Variants in C5AR2 observed in about 807,000 individuals in gnomAD.
The protein encoded by C5AR2 is C5a anaphylatoxin chemotactic receptor 2.
For missense variants in C5AR2, 458 were observed against 467.5 expected, an observed-to-expected ratio of 0.98 and a Z score of 0.19; for synonymous variants, 224 against 216.5, an observed-to-expected ratio of 1.03 and a Z score of -0.30.
intron 1 of C5AR2, chr19:47,337,032 C>A (rs2059360824): frequency 8.4e-6 from 1 of 119,216 alleles, no homozygotes; most frequent in Non-Finnish European, 1.6e-5. Context: ...GCCTCAGGGC[C>A]AGGTCACTCT....
In C5AR2 at chr19:47,343,063, G is replaced by T. The variant is rs1969068940; in HGVS notation, c.*1250G>T. ...GGTGAGATTAAGTAAAGGATCTTGA[G>T]AAGGGGTGGTTATCCTGGATTGTCT... On this transcript the variant is annotated 3_prime_UTR_variant, in exon 2 of 2. Coordinates refer to ENST00000595464, the MANE Select transcript of C5AR2 (RefSeq NM_001271749.2). The T allele has an allele frequency of 6.6e-6, 1 of 152,192 alleles. No homozygotes were observed. The highest frequency in any genetic ancestry group is 2.4e-5 in the African/African-American group (1 of 41,434). The allele number at this position is 152,192 out of a possible 1,614,324, so 9.4% of individuals were successfully genotyped here. A position where few individuals can be genotyped will look rare whatever the true frequency, so the allele number is the denominator to read the frequency against.
intron 1 of C5AR2, among the ~76,000 whole-genome samples, chr19:47,335,311 T>C (rs1274077544): frequency 6.6e-6 from 1 of 151,986 alleles, no homozygotes; most frequent in Admixed American, 6.6e-5. Context: ...TTGATATCTG[T>C]ACAGATAGAC....
At position 47,336,683 on chromosome 19, in the gene C5AR2, T is replaced by G. The variant is rs137936508; in HGVS notation, c.-15-4102T>G. 5.6e-3 allele frequency among the ~76,000 whole-genome samples: 853 copies of G among 151,528 alleles called. 9 individuals are homozygous for G. Among genetic ancestry groups the G allele is most frequent in the African/African-American group, 0.02 (826 of 41,268 alleles). ...CACTATGCCTGGCTAATTTTTAAATTTTTTGTAGAGACAGAGGGTCTCACT... is the reference window on the plus strand; with the variant it reads ...CACTATGCCTGGCTAATTTTTAAATGTTTTGTAGAGACAGAGGGTCTCACT... On this transcript the variant is annotated intron_variant, in intron 1 of 1. Transcript: ENST00000595464.
chr19:47,340,109 C>G (rs557243820), intron 1 of C5AR2, among the ~76,000 whole-genome samples: 10 of 151,998 alleles, frequency 6.6e-5, no homozygotes, highest in African/African-American at 2.2e-4. Context: ...CACGCATGAC[C>G]ATGCCTGGCT....
chr19:47,338,287 A>G (rs1235849199), intron 1 of C5AR2, among the ~76,000 whole-genome samples: 106 of 147,210 alleles, frequency 7.2e-4, no homozygotes, highest in Admixed American at 2.2e-3. Flanking sequence ...AAAAAAATAT[A>G]TATATATAAA....
Position 47,341,405 on chromosome 19 carries a change from C to T in C5AR2, c.606C>T (p.Ala202=). The change falls in exon 2 of 2, where the codon GCC becomes GCT. Residue 202 remains alanine (A), a synonymous_variant. Coordinates refer to ENST00000595464, the MANE Select transcript of C5AR2 (RefSeq NM_001271749.2). This position sits in a 1 kb window ranked among gnomAD's most constrained non-coding sequence, Gnocchi z 4.6. ...GSSSTENAVT[A]IRFLFGFLGP... Reference sequence around the variant, plus strand: ...CCAGCACCGAGAATGCGGTGACTGCCATCCGGTTTCTTTTTGGCTTCCTGG... The same window carrying T: ...CCAGCACCGAGAATGCGGTGACTGCTATCCGGTTTCTTTTTGGCTTCCTGG... The T allele has an allele frequency of 2.0e-5, 33 of 1,612,702 alleles. No individual in the cohort carries two copies. Among genetic ancestry groups the T allele is most frequent in the Non-Finnish European group, 2.8e-5 (33 of 1,179,902 alleles).
chr19:47,346,490 G>A lies in C5AR2; in HGVS notation c.*4677G>A, dbSNP rs765972219. On this transcript the variant is annotated 3_prime_UTR_variant, in exon 2 of 2. Coordinates refer to ENST00000595464, the MANE Select transcript of C5AR2 (RefSeq NM_001271749.2). ...AGGCCAATGCAGGTGGATCACCTGA[G>A]GTCAGGAGATCAAGACCATCCTGGC... 6.6e-6 allele frequency: 1 copy of A among 152,114 alleles called. No homozygotes were observed. The highest frequency in any genetic ancestry group is 2.4e-5 in the African/African-American group (1 of 41,390). The allele number at this position is 152,114 out of a possible 1,614,324, so 9.4% of individuals were successfully genotyped here. A position where few individuals can be genotyped will look rare whatever the true frequency, so the allele number is the denominator to read the frequency against.
chr19:47,339,313 T>C (rs997556585), intron 1 of C5AR2, among the ~76,000 whole-genome samples: 5 of 151,918 alleles, frequency 3.3e-5, no homozygotes, highest in African/African-American at 1.2e-4. Flanking sequence ...TGTTTTGTTT[T>C]GTTTTGTTTT....
At chr19:47,335,804 A>AAAAAAAAAAAAT (rs2059355410) in intron 1 of C5AR2, among the ~76,000 whole-genome samples, 1 of 127,902 alleles carries the variant, frequency 7.8e-6, no homozygotes, top group Non-Finnish European at 1.6e-5. Flanking sequence ...AAAAAAAAAG[A>AAAAAAAAAAAAT]AAGTTTTCGT....
intron 1 of C5AR2, among the ~76,000 whole-genome samples, chr19:47,335,901 G>A (rs2059355945): frequency 6.7e-6 from 1 of 148,346 alleles, no homozygotes; most frequent in South Asian, 2.1e-4. Context: ...ACAGCAGCTA[G>A]CCTACGTATG....
chr19:47,340,907 G>T lies in C5AR2; in HGVS notation c.108G>T (p.Val36=). Residue 36 remains valine (V), a synonymous_variant, in exon 2 of 2, where the codon GTG becomes GTT. Transcript: ENST00000595464. ...GACLAIDPLR[V]APLPLYAAIF... ...GCCTGGCCATCGACCCGCTGCGCGT[G>T]GCCCCGCTCCCACTGTATGCCGCCA... 1 of 1,612,890 alleles carries T rather than the reference G, an allele frequency of 6.2e-7. No homozygotes were observed.
intron 1 of C5AR2, among the ~76,000 whole-genome samples, chr19:47,340,573 G>A (rs1968995561): frequency 6.6e-6 from 1 of 152,056 alleles, no homozygotes; most frequent in Non-Finnish European, 1.5e-5. Flanking sequence ...GACCTCAAGT[G>A]ATCCACCTGT....
rs1599739388 is a variant in C5AR2 at position 47,336,484 on chromosome 19, CCTTCCTTTCTTT to C, written c.-16+4139_-16+4150del. On this transcript the variant is annotated intron_variant, in intron 1 of 1. Transcript: ENST00000595464. ...TCCTTCCTTCCTTCCTTCCTTCCTT[CCTTCCTTTCTTT>C]CTTTCTTTCTTTCTTTTTCTTTCTT... Among the ~76,000 whole-genome samples the C allele has an allele frequency of 8.9e-3, 245 of 27,476 alleles. 1 individual carries two copies. The highest frequency in any genetic ancestry group is 0.031 in the Middle Eastern group (3 of 98). 18.0% of individuals were successfully genotyped at this position (27,476 alleles called of 152,430 possible).
In C5AR2 at chr19:47,341,427, C is replaced by G; in HGVS notation, c.628C>G (p.Leu210Val). ...VTAIRFLFGF[L>V]GPLVAVASCH... ...TGCCATCCGGTTTCTTTTTGGCTTC[C>G]TGGGGCCCCTGGTGGCCGTGGCCAG... The change falls in exon 2 of 2, where the codon CTG becomes GTG. Residue 210 changes from leucine (L) to valine (V), a missense_variant. Transcript: ENST00000595464. This position sits in a 1 kb window ranked among gnomAD's most constrained non-coding sequence, Gnocchi z 4.6. The G allele has an allele frequency of 6.2e-7, 1 of 1,612,322 alleles. No individual in the cohort carries two copies. The highest frequency in any genetic ancestry group is 8.5e-7 in the Non-Finnish European group (1 of 1,179,882).
At position 47,341,207 on chromosome 19, in the gene C5AR2, T is replaced by C. The variant is rs1439475201; in HGVS notation, c.408T>C (p.Ala136=). The C allele has an allele frequency of 6.2e-7, 1 of 1,601,034 alleles. No individual in the cohort carries two copies. The highest frequency in any genetic ancestry group is 8.5e-7 in the Non-Finnish European group (1 of 1,179,836). Residue 136 remains alanine, a synonymous_variant, in exon 2 of 2, where the codon GCT becomes GCC. Transcript: ENST00000595464. This position sits in a 1 kb window ranked among gnomAD's most constrained non-coding sequence, Gnocchi z 4.6. ...AALSADLCFL[A]LGPAWWSTVQ... ...TCAGTGCCGACCTCTGCTTCCTGGC[T>C]CTCGGGCCTGCCTGGTGGTCTACGG...
chr19:47,341,626 T>TC lies in C5AR2; in HGVS notation c.828dup (p.Val277ArgfsTer54), dbSNP rs765980099. The TC allele has an allele frequency of 6.2e-7, 1 of 1,614,012 alleles. No homozygotes were observed. The highest frequency in any genetic ancestry group is 8.5e-7 in the Non-Finnish European group (1 of 1,179,992). ...AGGGCCCTGCGGGCTGAACCCCTCA[T>TC]CGTGGGCCTTGCCCTCGCTCACAGC... On this transcript the variant is annotated frameshift_variant, in exon 2 of 2. Coordinates refer to ENST00000595464, the MANE Select transcript of C5AR2 (RefSeq NM_001271749.2). LOFTEE classifies it low-confidence loss of function (END_TRUNC). The surrounding 1 kb of genome is among the most constrained non-coding windows in gnomAD (Gnocchi z 4.6).
Position 47,342,374 on chromosome 19 carries a change from AGATTCTAT to A in C5AR2, c.*562_*569del, listed in dbSNP as rs1969054197. ...CCGTCTCAAAAAATAAATAAATAAA[AGATTCTAT>A]TTATTTATTTATTTTTTTGAGATGG... is the stretch of plus-strand genomic sequence containing the variant. On this transcript the variant is annotated 3_prime_UTR_variant, in exon 2 of 2. Coordinates refer to ENST00000595464, the MANE Select transcript of C5AR2 (RefSeq NM_001271749.2). 6.8e-6 allele frequency: 1 copy of A among 148,012 alleles called. No individual in the cohort carries two copies. The highest frequency in any genetic ancestry group is 1.5e-5 in the Non-Finnish European group (1 of 66,096). 9.2% of individuals were successfully genotyped at this position (148,012 alleles called of 1,614,324 possible). A position where few individuals can be genotyped will look rare whatever the true frequency, so the allele number is the denominator to read the frequency against.
At position 47,342,106 on chromosome 19, in the gene C5AR2, G is replaced by C. The variant is rs970832371; in HGVS notation, c.*293G>C. ...GCGGTGGCTCACGCCTGTAATTCCA[G>C]GGCTTTGGGAGGCTGAGGCAGGTAG... On this transcript the variant is annotated 3_prime_UTR_variant, in exon 2 of 2. Transcript: ENST00000595464. 2.6e-5 allele frequency: 8 copies of C among 309,070 alleles called. No homozygotes were observed. The highest frequency in any genetic ancestry group is 5.0e-5 in the Non-Finnish European group (8 of 160,662). 19.1% of individuals were successfully genotyped at this position (309,070 alleles called of 1,614,324 possible).
In C5AR2 at chr19:47,346,744, C is replaced by G. The variant is rs573172260; in HGVS notation, c.*4931C>G. On this transcript the variant is annotated 3_prime_UTR_variant, in exon 2 of 2. Transcript: ENST00000595464. ...TAAGAAAGAAGGAAAGACACAAAGA[C>G]AGAAAGAAGGAAGGAAAGAAAGCAA... 1 of 152,070 alleles carries G rather than the reference C, an allele frequency of 6.6e-6. No individual in the cohort carries two copies. The highest frequency in any genetic ancestry group is 1.5e-5 in the Non-Finnish European group (1 of 68,018). The allele number at this position is 152,070 out of a possible 1,614,324, so 9.4% of individuals were successfully genotyped here.
Sources: gnomAD v4.1 joint callset for allele counts (sites outside exome capture counted in the v4.1 genomes callset) on GRCh38, gnomAD v4.1.1 for gene constraint, Gnocchi (gnomAD v3.1) non-coding constraint, MANE v1.5 for transcripts, NCBI Gene and HGNC (gene_info 2026-07-23, HGNC 2026-07-21) for gene names.